Variants in COL6A2 observed in about 807,000 individuals in gnomAD.
COL6A2 encodes collagen type VI alpha 2 chain.
A neutral mutation model predicts 124.9 loss-of-function variants in COL6A2; 90 were observed. The observed-to-expected ratio is 0.72, with a 90% CI of 0.61 to 0.86. COL6A2 has a LOEUF of 0.86. Ranked by LOEUF, COL6A2 falls within the 40% of genes least tolerant of loss-of-function variation. The pLI is 0.00. For synonymous variants in COL6A2, 793 were observed against 618.2 expected (o/e 1.28, Z -4.19); for missense variants, 1,607 against 1,502.5 (o/e 1.07, Z -1.15).
chr21:46,108,102 A>AT (rs1254536484), intron 1 of COL6A2, among the ~76,000 whole-genome samples: 2 of 135,832 alleles, frequency 1.5e-5, no homozygotes, highest in African/African-American at 6.0e-5. Context: ...CTATATATAT[A>AT]TATATTTTTT....
chr21:46,128,845 T>G, intron 27 of COL6A2: 2 of 1,461,076 alleles, frequency 1.4e-6, no homozygotes, highest in Admixed American at 3.3e-5. Flanking sequence ...GGGGTCTTCC[T>G]GGCGACGGGC....
rs200902198 is a variant in COL6A2, at chr21:46,115,827, C to T, written c.802-45C>T. 404 of 1,591,290 alleles carry T rather than the reference C, an allele frequency of 2.5e-4. 3 individuals carry two copies. In the Middle Eastern group the frequency reaches 0.011, roughly 42 times the overall value. ...TGTGGCAGGGTCCCCAGCTGCCTACCGCCCACCCTACCCTGCCTCGATGTA... is the reference window on the plus strand; with the variant it reads ...TGTGGCAGGGTCCCCAGCTGCCTACTGCCCACCCTACCCTGCCTCGATGTA... On this transcript the variant is annotated intron_variant, in intron 5 of 27. Transcript: ENST00000300527.
chr21:46,118,754 CCACCATCTCTGCTGT>C, intron 13 of COL6A2, 78 bp downstream of exon 13: 2 of 1,484,458 alleles, frequency 1.3e-6, no homozygotes, highest in Non-Finnish European at 1.8e-6. Context: ...GTCACGCTGG[CCACCATCTCTGCTGT>C]CACCATGGTG....
chr21:46,112,121 C>T lies in COL6A2; in HGVS notation c.258C>T (p.Tyr86=), dbSNP rs747865806. The change falls in exon 3 of 28, where the codon TAC becomes TAT. Residue 86 remains tyrosine, a synonymous_variant. Transcript: ENST00000300527. ...TCAGCCAGCTGCAGAACGAGTTCTA[C>T]CTGGACCAGGTGGCGCTGAGCTGGC... The part of the protein sequence containing the change: ...QFISQLQNEF[Y]LDQVALSWRY... 1.9e-6 allele frequency: 3 copies of T among 1,613,092 alleles called. No individual in the cohort carries two copies. The African/African-American group carries it at 4.0e-5, about 22-fold the overall frequency.
At chr21:46,123,382 A>G (rs572159075) in intron 21 of COL6A2, among the ~76,000 whole-genome samples, 182 of 151,538 alleles carry the variant, frequency 1.2e-3, no homozygotes, top group Admixed American at 3.2e-3. Flanking sequence ...TCCCTCCCCA[A>G]TGTCCTCCCC....
chr21:46,129,491 A>C (rs763980413), intron 27 of COL6A2: 1 of 1,570,052 alleles, frequency 6.4e-7, no homozygotes, highest in South Asian at 1.2e-5. Flanking sequence ...CCCTCTGCTA[A>C]AGCCCGGGCA....
At chr21:46,104,955 G>C (rs994067338) in intron 1 of COL6A2, among the ~76,000 whole-genome samples, 3 of 152,220 alleles carry the variant, frequency 2.0e-5, no homozygotes, top group Admixed American at 6.5e-5. Context: ...AAGTAAGGGA[G>C]AAATTAACAC....
chr21:46,125,779 TTGCAG>T lies in COL6A2; in HGVS notation c.1970-5_1970-1del. The T allele has an allele frequency of 8.1e-6, 13 of 1,611,300 alleles. No individual in the cohort carries two copies. The highest frequency in any genetic ancestry group is 1.1e-5 in the Non-Finnish European group (13 of 1,178,650). ...CTGGCAACGACCTCACGCGTGCGGC[TTGCAG>T]GGACGCGTGTGGGCGTGGTGCAGTA... On this transcript the variant is annotated splice_acceptor_variant and splice_polypyrimidine_tract_variant and intron_variant, in intron 25 of 27. Coordinates refer to ENST00000300527, the MANE Select transcript of COL6A2 (RefSeq NM_001849.4). LOFTEE classifies it high-confidence loss of function.
chr21:46,117,926 A>G lies in COL6A2; in HGVS notation c.1106A>G (p.Gln369Arg). 6.2e-7 allele frequency: 1 copy of G among 1,612,648 alleles called. No homozygotes were observed. Among genetic ancestry groups the G allele is most frequent in the South Asian group, 1.1e-5 (1 of 90,928 alleles). ...EAGSPGERGD[Q>R]GGKGDPGRPG... ...GGGAGTCCAGGGGAGCGAGGAGACCAAGGCGGCAAGGTAAGTGGCCTTGTC... is the reference window on the plus strand; with the variant it reads ...GGGAGTCCAGGGGAGCGAGGAGACCGAGGCGGCAAGGTAAGTGGCCTTGTC... Residue 369 changes from glutamine (Q) to arginine (R), a missense_variant, in exon 12 of 28, where the codon CAA becomes CGA. Around this residue, in one of 3 missense-constraint regions of COL6A2, gnomAD observed 1,223 missense variants for 1,052.2 expected, o/e 1.16. Coordinates refer to ENST00000300527, the MANE Select transcript of COL6A2 (RefSeq NM_001849.4).
intron 15 of COL6A2, among the ~76,000 whole-genome samples, chr21:46,120,094 G>C (rs369806121): frequency 2.8e-3 from 190 of 68,830 alleles, no homozygotes; most frequent in East Asian, 6.5e-3. Context: ...TTCACCCCCG[G>C]CCCACTGAGG....
chr21:46,116,588 G>C lies in COL6A2; in HGVS notation c.928-63G>C. 2 of 1,609,284 alleles carry C rather than the reference G, an allele frequency of 1.2e-6. No individual in the cohort carries two copies. Among genetic ancestry groups the C allele is most frequent in the Non-Finnish European group, 1.7e-6 (2 of 1,177,106 alleles). ...TGGCCCAAGGGCTTTGCCCCCCAGA[G>C]GCAGCAGTGCCCATGATGCTTTGAG... On this transcript the variant is annotated intron_variant, in intron 8 of 27. Coordinates refer to ENST00000300527, the MANE Select transcript of COL6A2 (RefSeq NM_001849.4). The surrounding 1 kb of genome is among the most constrained non-coding windows in gnomAD (Gnocchi z 4.6).
chr21:46,132,181 A>C lies in COL6A2; in HGVS notation c.2689A>C (p.Asn897His). 1.9e-6 allele frequency: 3 copies of C among 1,573,908 alleles called. No homozygotes were observed. Among genetic ancestry groups the C allele is most frequent in the East Asian group, 2.4e-5 (1 of 42,116 alleles). The part of the protein sequence containing the change: ...EQQVAFPLSH[N>H]LTAIHEALET... ...GCAGGTGGCCTTCCCGCTGAGCCAC[A>C]ACCTCACGGCCATCCACGAGGCGCT... Residue 897 changes from asparagine (N) to histidine (H), a missense_variant, in exon 28 of 28, where the codon AAC (asparagine) becomes CAC (histidine). Asn to His is a moderately conservative substitution (Grantham distance 68). This residue lies in a region of COL6A2 where 1,223 missense variants were observed against 1,052.2 expected (regional missense o/e 1.16). Coordinates refer to ENST00000300527, the MANE Select transcript of COL6A2 (RefSeq NM_001849.4).
intron 1 of COL6A2, among the ~76,000 whole-genome samples, chr21:46,101,620 T>C (rs988440928): frequency 3.9e-5 from 6 of 152,194 alleles, no homozygotes; most frequent in Non-Finnish European, 7.4e-5. Flanking sequence ...CATGTGGATA[T>C]CTAGTTGTCT....
rs754034094 is a variant in COL6A2 at position 46,112,388 on chromosome 21, G to A, written c.525G>A (p.Leu175=). The A allele has an allele frequency of 1.2e-5, 20 of 1,607,702 alleles. No homozygotes were observed. Among genetic ancestry groups the A allele is most frequent in the African/African-American group, 1.1e-4 (8 of 74,866 alleles). Residue 175 remains leucine, a synonymous_variant, in exon 3 of 28, where the codon CTG becomes CTA. Transcript: ENST00000300527. ...GCAGCCCCTGCGGGGGCATCAAGCT[G>A]CAGGCCGAGCGGGCCCGCGAGGAGG... ...VTGSPCGGIK[L]QAERAREEGI...
In COL6A2 at chr21:46,125,035, A is replaced by T. The variant is rs779132256; in HGVS notation, c.1770+115A>T. On this transcript the variant is annotated intron_variant, in intron 23 of 27. Transcript: ENST00000300527. Reference sequence around the variant, plus strand: ...GGTCAGAGAGCAAGATCAGTGGAGGAGGTCAGAGGGCAAGGTCAGAGAGCA... The same window carrying T: ...GGTCAGAGAGCAAGATCAGTGGAGGTGGTCAGAGGGCAAGGTCAGAGAGCA... 205 of 1,338,106 alleles carry T rather than the reference A, an allele frequency of 1.5e-4. 1 individual carries two copies. Among genetic ancestry groups the T allele is most frequent in the Non-Finnish European group, 2.0e-4 (191 of 933,594 alleles). The allele number at this position is 1,338,106 out of a possible 1,614,324, so 82.9% of individuals were successfully genotyped here.
chr21:46,109,517 C>CCTAT (rs1182929176), intron 1 of COL6A2, among the ~76,000 whole-genome samples: 4 of 152,202 alleles, frequency 2.6e-5, no homozygotes, highest in Non-Finnish European at 5.9e-5. Flanking sequence ...TGCCCAGGAG[C>CCTAT]CTATCTGCCT....
At chr21:46,129,701 C>G (rs991073113) in intron 27 of COL6A2, 6 of 1,413,832 alleles carry the variant, frequency 4.2e-6, no homozygotes, top group Non-Finnish European at 5.5e-6. Flanking sequence ...CTTCCAGTCT[C>G]TCCTCCGTCT....
At position 46,112,178 on chromosome 21, in the gene COL6A2, G is replaced by A. The variant is rs1467107121; in HGVS notation, c.315G>A (p.Val105=). 1.9e-6 allele frequency: 3 copies of A among 1,613,006 alleles called. No homozygotes were observed. Among genetic ancestry groups the A allele is most frequent in the Admixed American group, 1.7e-5 (1 of 60,032 alleles). The stretch of plus-strand genomic sequence containing the variant: ...GCGGCCTGCACTTCTCTGACCAGGT[G>A]GAGGTGTTCAGCCCACCGGGCAGCG... The part of the protein sequence containing the change: ...RYGGLHFSDQ[V]EVFSPPGSDR... Residue 105 remains valine, a synonymous_variant, in exon 3 of 28, where the codon GTG becomes GTA. Coordinates refer to ENST00000300527, the MANE Select transcript of COL6A2 (RefSeq NM_001849.4).
intron 14 of COL6A2, 113 bp downstream of exon 14, chr21:46,119,232 A>T: frequency 1.2e-6 from 1 of 803,504 alleles, no homozygotes; most frequent in Non-Finnish European, 2.1e-6. Context: ...CCTGCTGGCA[A>T]GGCACAGCCA....
Sources: gnomAD v4.1 joint callset for allele counts (sites outside exome capture counted in the v4.1 genomes callset) on GRCh38, gnomAD v4.1.1 for gene constraint, gnomAD v4.1.1 regional missense constraint, Gnocchi (gnomAD v3.1) non-coding constraint, MANE v1.5 for transcripts, NCBI Gene and HGNC (gene_info 2026-07-23, HGNC 2026-07-21) for gene names.